The following IGDCC4 variants were observed in gnomAD, a reference collection of about 807,000 sequenced individuals.
IGDCC4 encodes the protein immunoglobulin superfamily DCC subclass member 4, also known as likely ortholog of mouse neighbor of Punc E11.
IGDCC4 carries 72 observed loss-of-function variants against 116.6 expected under a neutral mutation model. The ratio of observed to expected loss-of-function variants is 0.62; its 90% CI spans 0.51 to 0.75. The LOEUF (loss-of-function observed/expected upper bound fraction) is 0.75. IGDCC4 is among the 30% of genes least tolerant of loss of function. The probability of loss-of-function intolerance (pLI) is 0.00; values close to 1 mark genes in which losing one functional copy is unlikely to be tolerated. For synonymous variants in IGDCC4, 709 were observed against 719.9 expected, an observed-to-expected ratio of 0.98 and a Z score of 0.24; for missense variants, 1,501 against 1,662.4, an observed-to-expected ratio of 0.90 and a Z score of 1.69.
chr15:65,403,326 C>T (rs921872828), intron 3 of IGDCC4, among the ~76,000 whole-genome samples: 4 of 152,120 alleles, frequency 2.6e-5, no homozygotes, highest in Non-Finnish European at 4.4e-5. Flanking sequence ...TCTGTGCTTG[C>T]GTATACATTC....
chr15:65,395,873 TGGGCAGCCCCTCGCGCAC>T lies in IGDCC4; in HGVS notation c.1270_1287del (p.Val424_Pro429del), dbSNP rs2062919656. On this transcript the variant is annotated inframe_deletion, in exon 7 of 20. Coordinates refer to ENST00000352385, the MANE Select transcript of IGDCC4 (RefSeq NM_020962.3). ...GTAGCAGTGACCCGCGTGGGGGCGC[TGGGCAGCCCCTCGCGCAC>T]CACCACGGCCAGCGACGCGGCAGCG... 1 of 1,584,278 alleles carries T rather than the reference TGGGCAGCCCCTCGCGCAC, an allele frequency of 6.3e-7. No individual in the cohort carries two copies. The highest frequency in any genetic ancestry group is 1.7e-5 in the Admixed American group (1 of 58,660).
Position 65,411,345 on chromosome 15 carries a change from C to A in IGDCC4, c.96G>T (p.Thr32=). ...CCACTCCACAGCTCAGCTCCACAGT[C>A]GTCTCCTGGGGCAACAGCAGCTCCC... The part of the protein sequence containing the change: ...ARGELLLPQE[T]TVELSCGVGP... Residue 32 remains threonine (T), a synonymous_variant, in exon 2 of 20, where the codon ACG becomes ACT. Transcript: ENST00000352385. 6.3e-7 allele frequency: 1 copy of A among 1,584,436 alleles called. No individual in the cohort carries two copies. Among genetic ancestry groups the A allele is most frequent in the South Asian group, 1.2e-5 (1 of 86,726 alleles).
At chr15:65,420,060 T>C (rs2063176371) in intron 1 of IGDCC4, among the ~76,000 whole-genome samples, 1 of 138,636 alleles carries the variant, frequency 7.2e-6, no homozygotes, top group African/African-American at 2.7e-5. Flanking sequence ...GATTCTCGAG[T>C]CTCAGACTCC....
In IGDCC4 at chr15:65,388,384, G is replaced by A. The variant is rs897646835; in HGVS notation, c.2845+65C>T. 1.9e-6 allele frequency: 3 copies of A among 1,604,800 alleles called. No individual in the cohort carries two copies. In the African/African-American group the frequency reaches 4.0e-5, roughly 21 times the overall value. ...AGCTGTGCAAAACAATGAAATTGTA[G>A]TTGTGTCCACAGGCAGGGGCTTGGA... On this transcript the variant is annotated intron_variant, in intron 16 of 19. Coordinates refer to ENST00000352385, the MANE Select transcript of IGDCC4 (RefSeq NM_020962.3).
rs751625288 is a variant in IGDCC4, at chr15:65,390,141, GCATTAGTC to G, written c.2408+6_2408+13del. 24 of 1,559,656 alleles carry G rather than the reference GCATTAGTC, an allele frequency of 1.5e-5. No individual in the cohort carries two copies. Among genetic ancestry groups the G allele is most frequent in the Middle Eastern group, 3.4e-4 (2 of 5,808 alleles). ...TCCTCCCTTCTTTACATTAGTAAAG[GCATTAGTC>G]CCCACCTGGTGTAATAGGTGACCAG... On this transcript the variant is annotated splice_donor_region_variant and intron_variant, in intron 13 of 19. Transcript: ENST00000352385.
At position 65,416,379 on chromosome 15, in the gene IGDCC4, C is replaced by T. The variant is rs190683396; in HGVS notation, c.71-5009G>A. Among the ~76,000 whole-genome samples the T allele has an allele frequency of 5.6e-3, 858 of 152,074 alleles. 11 individuals are homozygous for T. Among genetic ancestry groups the T allele is most frequent in the African/African-American group, 0.02 (817 of 41,500 alleles). ...GTCTCAATCTCCTGACTTCGTGATC[C>T]GCCCGCCTCGGCCTTCCAAAGTGCT... On this transcript the variant is annotated intron_variant, in intron 1 of 19. Coordinates refer to ENST00000352385, the MANE Select transcript of IGDCC4 (RefSeq NM_020962.3).
rs374784462 is a variant in IGDCC4 at position 65,386,075 on chromosome 15, G to A, written c.2952-16C>T. Reference sequence around the variant, plus strand: ...GAGGGATTCCCTGGAAGGGAAGACGGAAAACAAGGCATAGCGGTCAGAGTA... The same window carrying A: ...GAGGGATTCCCTGGAAGGGAAGACGAAAAACAAGGCATAGCGGTCAGAGTA... On this transcript the variant is annotated splice_polypyrimidine_tract_variant and intron_variant, in intron 17 of 19. Transcript: ENST00000352385. The A allele has an allele frequency of 6.2e-6, 9 of 1,452,284 alleles. No homozygotes were observed. Among genetic ancestry groups the A allele is most frequent in the African/African-American group, 2.9e-5 (2 of 69,750 alleles). 90.0% of individuals were successfully genotyped at this position (1,452,284 alleles called of 1,614,324 possible). A position where few individuals can be genotyped will look rare whatever the true frequency, so the allele number is the denominator to read the frequency against.
At chr15:65,389,936 A>T (rs1174620099) in intron 13 of IGDCC4, among the ~76,000 whole-genome samples, 1 of 152,088 alleles carries the variant, frequency 6.6e-6, no homozygotes, top group African/African-American at 2.4e-5. Context: ...CTCTGTTGTG[A>T]GGGGACGGGA....
intron 1 of IGDCC4, among the ~76,000 whole-genome samples, chr15:65,414,203 C>T (rs1369034750): frequency 6.6e-6 from 1 of 152,212 alleles, no homozygotes; most frequent in Non-Finnish European, 1.5e-5. Flanking sequence ...AATAAGGAGG[C>T]CAGGGCCTGG....
At chr15:65,399,447 C>CAAAAAAAAAAAAAAAAAAAAA (rs112040935) in intron 5 of IGDCC4, among the ~76,000 whole-genome samples, 1 of 71,182 alleles carries the variant, frequency 1.4e-5, no homozygotes, top group Non-Finnish European at 3.3e-5. Context: ...GGGTGACAGG[C>CAAAAAAAAAAAAAAAAAAAAA]AAAAAAAAAA....
intron 2 of IGDCC4, 68 bp downstream of exon 2, chr15:65,410,952 C>A: frequency 7.8e-7 from 1 of 1,289,320 alleles, no homozygotes. Context: ...TAACTAACTG[C>A]AGATCCCACT....
intron 3 of IGDCC4, among the ~76,000 whole-genome samples, chr15:65,408,318 G>A (rs975657967): frequency 5.3e-5 from 8 of 152,112 alleles, no homozygotes; most frequent in South Asian, 2.1e-4. Flanking sequence ...GTAGGCTCTC[G>A]CGTGGTTCTC....
Position 65,395,228 on chromosome 15 carries a change from A to C in IGDCC4, c.1442T>G (p.Val481Gly), listed in dbSNP as rs553626405. 3.8e-5 allele frequency: 62 copies of C among 1,613,418 alleles called. No homozygotes were observed. In the Admixed American group the frequency reaches 8.8e-4, roughly 23 times the overall value. ...CTGTAGTTCTGTGGTGTCGTTGTTC[A>C]CTGCAAACTGGTATTCCACATTGTC... ...GMDNVEYQFA[V>G]NNDTTELQVR... Residue 481 changes from valine (V) to glycine (G), a missense_variant, in exon 8 of 20, where the codon GTG (valine) becomes GGG (glycine). This residue lies in a region of IGDCC4 where 898 missense variants were observed against 978.9 expected (regional missense o/e 0.92). Transcript: ENST00000352385.
chr15:65,387,071 G>A (rs2091467530), intron 16 of IGDCC4, among the ~76,000 whole-genome samples: 1 of 152,126 alleles, frequency 6.6e-6, no homozygotes, highest in Non-Finnish European at 1.5e-5. Context: ...CTGTCACCCA[G>A]GCCGGAGTGC....
At chr15:65,412,798 G>A (rs544859595) in intron 1 of IGDCC4, among the ~76,000 whole-genome samples, 1 of 152,198 alleles carries the variant, frequency 6.6e-6, no homozygotes, top group African/African-American at 2.4e-5. Flanking sequence ...TTAGCCAGCT[G>A]TGGTGGGAGG....
Position 65,396,047 on chromosome 15 carries a change from C to G in IGDCC4, c.1114G>C (p.Gly372Arg), listed in dbSNP as rs2062922324. 2.8e-6 allele frequency: 4 copies of G among 1,443,404 alleles called. No individual in the cohort carries two copies. The highest frequency in any genetic ancestry group is 2.7e-6 in the Non-Finnish European group (3 of 1,103,348). The allele number at this position is 1,443,404 out of a possible 1,614,324, so 89.4% of individuals were successfully genotyped here. Reference sequence around the variant, plus strand: ...CGCCCGTTGGGCCGCAGCGGCGCCCCGTTGTGCAGCCAGCGCAGCGCTGGC... The same window carrying G: ...CGCCCGTTGGGCCGCAGCGGCGCCCGGTTGTGCAGCCAGCGCAGCGCTGGC... ...PRPALRWLHN[G>R]APLRPNGRVK... Residue 372 changes from glycine to arginine, a missense_variant, in exon 7 of 20, where the codon GGG (glycine) becomes CGG (arginine). Gly to Arg is a moderately radical substitution (Grantham distance 125, BLOSUM62 -2). Transcript: ENST00000352385.
chr15:65,383,868 C>T lies in IGDCC4; in HGVS notation c.*141G>A. The T allele has an allele frequency of 1.4e-6, 1 of 698,234 alleles. No individual in the cohort carries two copies. The highest frequency in any genetic ancestry group is 2.3e-6 in the Non-Finnish European group (1 of 441,458). 43.3% of individuals were successfully genotyped at this position (698,234 alleles called of 1,614,324 possible). ...GAGTGAATAATCCATGTTTTCCTCT[C>T]CCCTCAGCCAAAGCAACTTAGGAAG... On this transcript the variant is annotated 3_prime_UTR_variant, in exon 20 of 20. Coordinates refer to ENST00000352385, the MANE Select transcript of IGDCC4 (RefSeq NM_020962.3).
intron 5 of IGDCC4, among the ~76,000 whole-genome samples, chr15:65,397,582 C>T (rs541586072): frequency 2.0e-5 from 3 of 151,238 alleles, no homozygotes; most frequent in African/African-American, 7.3e-5. Context: ...GTGCTCTTGG[C>T]ACTTTGGGAG....
chr15:65,415,045 A>G (rs928544964), intron 1 of IGDCC4, among the ~76,000 whole-genome samples: 7 of 152,116 alleles, frequency 4.6e-5, no homozygotes, highest in Admixed American at 1.3e-4. Context: ...TACAAGTGCT[A>G]TTTGCTGTTC....
Sources: allele counts gnomAD v4.1 joint callset (sites outside exome capture counted in the v4.1 genomes callset), GRCh38; gene constraint gnomAD v4.1.1; regional missense constraint gnomAD v4.1.1; transcripts MANE v1.5; gene names NCBI Gene and HGNC (gene_info 2026-07-23, HGNC 2026-07-21).